SH3RF3: variants seen among roughly 807,000 people sequenced by gnomAD.
SH3RF3 encodes the protein E3 ubiquitin-protein ligase SH3RF3.
Under a neutral mutation model 66.3 loss-of-function variants are expected in SH3RF3, and 29 were observed. The observed-to-expected ratio is 0.44, with a 90% CI of 0.33 to 0.60. The LOEUF (loss-of-function observed/expected upper bound fraction) is 0.60, where lower values mean the gene tolerates loss of function less well. SH3RF3 is among the 20% of genes least tolerant of loss of function. SH3RF3 has a pLI of 0.04. For synonymous variants in SH3RF3, 583 were observed against 532.0 expected (o/e 1.10, Z -1.32); for missense variants, 1,194 against 1,190.9 (o/e 1.00, Z -0.04).
At chr2:109,369,224 T>G (rs1323693792) in intron 2 of SH3RF3, among the ~76,000 whole-genome samples, 1 of 142,934 alleles carries the variant, frequency 7.0e-6, no homozygotes, top group Non-Finnish European at 1.5e-5. Flanking sequence ...GGTGAGCACC[T>G]GTAGTCCCAG....
chr2:109,500,215 C>G (rs1443237855), intron 9 of SH3RF3, among the ~76,000 whole-genome samples: 1 of 152,072 alleles, frequency 6.6e-6, no homozygotes, highest in Non-Finnish European at 1.5e-5. Flanking sequence ...AGTGGTTGTT[C>G]AAGTTGTTAT....
At chr2:109,157,512 C>T (rs1426158959) in intron 1 of SH3RF3, among the ~76,000 whole-genome samples, 1 of 152,202 alleles carries the variant, frequency 6.6e-6, no homozygotes, top group South Asian at 2.1e-4. Context: ...TGAAACTGGC[C>T]TTAGAGATAA....
At position 109,321,688 on chromosome 2, in the gene SH3RF3, A is replaced by G. The variant is rs567971276; in HGVS notation, c.574-25986A>G. Among the ~76,000 whole-genome samples, 4 of 152,342 alleles carry G rather than the reference A, an allele frequency of 2.6e-5. No individual in the cohort carries two copies. In the Middle Eastern group the frequency reaches 0.01, roughly 389 times the overall value. On this transcript the variant is annotated intron_variant, in intron 1 of 9. Transcript: ENST00000309415. ...TCTGGCAAAAATGAATAAATTTGTA[A>G]TAAGTGTCAACCCTGGCCCCCTGCC...
chr2:109,484,511 A>G (rs1678918869), intron 8 of SH3RF3, among the ~76,000 whole-genome samples: 1 of 151,852 alleles, frequency 6.6e-6, no homozygotes, highest in Non-Finnish European at 1.5e-5. Context: ...AGGCCTTTTC[A>G]TTATCCCTAT....
intron 1 of SH3RF3, among the ~76,000 whole-genome samples, chr2:109,277,996 G>T (rs1274450420): frequency 7.8e-6 from 1 of 127,858 alleles, no homozygotes; most frequent in Non-Finnish European, 1.6e-5. Flanking sequence ...GCAACAAGGA[G>T]ACCCTGTCTC....
intron 8 of SH3RF3, among the ~76,000 whole-genome samples, chr2:109,474,265 G>A (rs1213297164): frequency 6.6e-6 from 1 of 152,210 alleles, no homozygotes; most frequent in Non-Finnish European, 1.5e-5. Flanking sequence ...CCTTTTAGCA[G>A]TGGGAGAAAG....
intron 1 of SH3RF3, among the ~76,000 whole-genome samples, chr2:109,305,650 C>T (rs1057033695): frequency 6.6e-6 from 1 of 152,228 alleles, no homozygotes; most frequent in Non-Finnish European, 1.5e-5. Context: ...GCCTCATGTG[C>T]ACTCAGCATT....
chr2:109,451,881 T>C (rs1677879040), intron 8 of SH3RF3, among the ~76,000 whole-genome samples: 1 of 152,228 alleles, frequency 6.6e-6, no homozygotes, highest in Non-Finnish European at 1.5e-5. Flanking sequence ...GGACACATGC[T>C]GTGGGAGCAG....
At chr2:109,275,605 C>G (rs1332883316) in intron 1 of SH3RF3, among the ~76,000 whole-genome samples, 1 of 152,172 alleles carries the variant, frequency 6.6e-6, no homozygotes, top group Admixed American at 6.5e-5. Context: ...GTGCTTCTGC[C>G]CTTTTCCTGC....
intron 1 of SH3RF3, among the ~76,000 whole-genome samples, chr2:109,162,803 T>G (rs1336665434): frequency 6.6e-6 from 1 of 152,248 alleles, no homozygotes; most frequent in Non-Finnish European, 1.5e-5. Flanking sequence ...AATCACCTTT[T>G]AACAATGAGA....
intron 2 of SH3RF3, among the ~76,000 whole-genome samples, chr2:109,352,750 C>A (rs1382569335): frequency 2.0e-5 from 3 of 152,298 alleles, no homozygotes; most frequent in Admixed American, 6.5e-5. Context: ...CCTCTGTGCA[C>A]AATGATGCCT....
At chr2:109,419,289 C>T (rs1054665623) in intron 4 of SH3RF3, among the ~76,000 whole-genome samples, 1 of 152,132 alleles carries the variant, frequency 6.6e-6, no homozygotes, top group Admixed American at 6.5e-5. Context: ...TGCTGACCAG[C>T]CTAGATGCAG....
intron 3 of SH3RF3, among the ~76,000 whole-genome samples, chr2:109,372,482 A>G (rs13424096): frequency 0.039 from 5,895 of 152,282 alleles, 349 homozygotes; most frequent in African/African-American, 0.13. Flanking sequence ...GTGAATGCTT[A>G]CTGAGTGCTT....
intron 1 of SH3RF3, among the ~76,000 whole-genome samples, chr2:109,177,305 T>C (rs1275665534): frequency 6.6e-6 from 1 of 152,170 alleles, no homozygotes; most frequent in Non-Finnish European, 1.5e-5. Context: ...CAATGCATGG[T>C]GATTTTCTTT....
At chr2:109,243,210 G>T (rs1679830613) in intron 1 of SH3RF3, among the ~76,000 whole-genome samples, 1 of 152,220 alleles carries the variant, frequency 6.6e-6, no homozygotes, top group South Asian at 2.1e-4. Context: ...TAGCTGAGAG[G>T]TCTGCAGATC....
chr2:109,166,978 G>C (rs1322035608), intron 1 of SH3RF3, among the ~76,000 whole-genome samples: 1 of 152,134 alleles, frequency 6.6e-6, no homozygotes, highest in African/African-American at 2.4e-5. Context: ...CATCCCCTTT[G>C]CCTCCAGCAA....
intron 1 of SH3RF3, among the ~76,000 whole-genome samples, chr2:109,334,812 T>A (rs17035479): frequency 0.13 from 19,064 of 152,298 alleles, 1,353 homozygotes; most frequent in East Asian, 0.25. Context: ...CCAACTAGAA[T>A]GTTATGTGCC....
At chr2:109,266,875 A>G (rs1244563388) in intron 1 of SH3RF3, among the ~76,000 whole-genome samples, 1 of 152,180 alleles carries the variant, frequency 6.6e-6, no homozygotes, top group Non-Finnish European at 1.5e-5. Flanking sequence ...ACTGCTGCAG[A>G]CCGCCTCCCA....
chr2:109,162,552 G>A (rs958922477), intron 1 of SH3RF3, among the ~76,000 whole-genome samples: 3 of 152,184 alleles, frequency 2.0e-5, no homozygotes, highest in Non-Finnish European at 4.4e-5. Flanking sequence ...CAAAGGACAT[G>A]AACTCATCAT....
Sources: allele counts gnomAD v4.1 joint callset (sites outside exome capture counted in the v4.1 genomes callset), GRCh38; gene constraint gnomAD v4.1.1; transcripts MANE v1.5; gene names NCBI Gene and HGNC (gene_info 2026-07-23, HGNC 2026-07-21).